PPP2R3A: variants seen among roughly 807,000 people sequenced by gnomAD.
The protein encoded by PPP2R3A is protein phosphatase 2 regulatory subunit B''alpha, also known as serine/threonine-protein phosphatase 2A regulatory subunit B'' subunit alpha.
Under a neutral mutation model 106.9 loss-of-function variants are expected in PPP2R3A, and 80 were observed. That is an observed-to-expected ratio of 0.75 (90% CI 0.62 to 0.90). PPP2R3A has a LOEUF of 0.90. Among genes scored for constraint, PPP2R3A ranks in the 40% least tolerant of loss-of-function variants. PPP2R3A has a pLI of 0.00. For synonymous variants in PPP2R3A, 483 were observed against 468.3 expected (o/e 1.03, Z -0.41); for missense variants, 1,386 against 1,350.4 (o/e 1.03, Z -0.41).
At chr3:136,136,057 AAAAAAAAAAAAAAAAATTAT>A (rs1305940172) in intron 13 of PPP2R3A, among the ~76,000 whole-genome samples, 1 of 47,498 alleles carries the variant, frequency 2.1e-5, no homozygotes, top group Non-Finnish European at 5.9e-5. Context: ...AAAAAAAAAA[AAAAAAAAAAAAAAAAATTAT>A]ATATATATAT....
intron 2 of PPP2R3A, among the ~76,000 whole-genome samples, chr3:136,017,603 A>G (rs1442586624): frequency 1.3e-5 from 2 of 152,184 alleles, no homozygotes; most frequent in Non-Finnish European, 2.9e-5. Context: ...GGCTTTTGTT[A>G]ATCAGAAGCA....
At chr3:136,106,144 G>A in intron 12 of PPP2R3A, 72 bp from the exon 13 acceptor site, 6 of 1,258,182 alleles carry the variant, frequency 4.8e-6, no homozygotes, top group Non-Finnish European at 6.8e-6. Context: ...GTATACATTT[G>A]TGTGATGATC....
chr3:135,988,611 A>G (rs149308284), intron 1 of PPP2R3A, among the ~76,000 whole-genome samples: 16 of 152,038 alleles, frequency 1.1e-4, no homozygotes, highest in African/African-American at 3.9e-4. Context: ...TGGCATTCTC[A>G]CTCTTGCTAA....
At chr3:136,087,047 C>A (rs1352059143) in intron 8 of PPP2R3A, among the ~76,000 whole-genome samples, 1 of 151,930 alleles carries the variant, frequency 6.6e-6, no homozygotes, top group African/African-American at 2.4e-5. Context: ...AATAAAAATA[C>A]AAAAAAATTA....
chr3:136,027,343 T>G (rs1418572054), intron 3 of PPP2R3A, among the ~76,000 whole-genome samples: 1 of 152,172 alleles, frequency 6.6e-6, no homozygotes, highest in African/African-American at 2.4e-5. Context: ...TTTCAGAGAC[T>G]AGAAGCTCTA....
chr3:135,969,369 A>G (rs1365742631), intron 1 of PPP2R3A, among the ~76,000 whole-genome samples: 1 of 152,206 alleles, frequency 6.6e-6, no homozygotes, highest in Non-Finnish European at 1.5e-5. Flanking sequence ...TTGGTGGTTG[A>G]TATGGTACAA....
intron 1 of PPP2R3A, among the ~76,000 whole-genome samples, chr3:135,967,101 A>G (rs1488862931): frequency 6.6e-6 from 1 of 151,998 alleles, no homozygotes; most frequent in Non-Finnish European, 1.5e-5. Context: ...TTACACACAC[A>G]ATTTATTTAC....
At chr3:135,965,915 T>C (rs1576396673) in intron 1 of PPP2R3A, 66 bp downstream of exon 1, 1 of 119,912 alleles carries the variant, frequency 8.3e-6, no homozygotes, top group Non-Finnish European at 1.8e-5. Context: ...CCCGAGGGGG[T>C]GGCGAGGCTC....
chr3:136,066,692 G>T (rs1230678861), intron 5 of PPP2R3A, among the ~76,000 whole-genome samples: 2 of 151,564 alleles, frequency 1.3e-5, no homozygotes, highest in African/African-American at 2.4e-5. Flanking sequence ...GGGAGTTGCT[G>T]CACACTTTTA....
At chr3:136,081,074 A>G (rs1936766628) in intron 7 of PPP2R3A, among the ~76,000 whole-genome samples, 1 of 151,392 alleles carries the variant, frequency 6.6e-6, no homozygotes, top group African/African-American at 2.4e-5. Context: ...GCTCACTGCA[A>G]CCTCTGCCTC....
At chr3:136,082,186 C>A in intron 7 of PPP2R3A, 79 bp from the exon 8 acceptor site, 1 of 1,261,142 alleles carries the variant, frequency 7.9e-7, no homozygotes, top group Non-Finnish European at 1.1e-6. Flanking sequence ...CAGTTTAAAA[C>A]AGAAATTCGC....
intron 3 of PPP2R3A, among the ~76,000 whole-genome samples, chr3:136,034,739 A>G (rs1935029563): frequency 6.6e-6 from 1 of 152,156 alleles, no homozygotes; most frequent in Non-Finnish European, 1.5e-5. Flanking sequence ...TATTAAGTCC[A>G]TTTGTTCCAG....
intron 13 of PPP2R3A, among the ~76,000 whole-genome samples, chr3:136,118,149 T>C (rs1576324253): frequency 6.6e-6 from 1 of 152,146 alleles, no homozygotes; most frequent in African/African-American, 2.4e-5. Context: ...TCAATAGATG[T>C]AGAAAAGGCC....
At chr3:136,066,446 T>A (rs923477958) in intron 5 of PPP2R3A, among the ~76,000 whole-genome samples, 38 of 152,336 alleles carry the variant, frequency 2.5e-4, no homozygotes, top group African/African-American at 8.9e-4. Flanking sequence ...CAAGATTGTT[T>A]TAATATTAGG....
At chr3:135,987,439 A>G (rs954406294) in intron 1 of PPP2R3A, among the ~76,000 whole-genome samples, 1 of 152,098 alleles carries the variant, frequency 6.6e-6, no homozygotes, top group Non-Finnish European at 1.5e-5. Flanking sequence ...ATAATGGGCC[A>G]TAAGCATGCT....
rs547774408 is a variant in PPP2R3A at position 136,038,945 on chromosome 3, C to A, written c.2263-1914C>A. On this transcript the variant is annotated intron_variant, in intron 3 of 13. Coordinates refer to ENST00000264977, the MANE Select transcript of PPP2R3A (RefSeq NM_002718.5). ...TATTCGACCTCTGGACTTAAAAAATCTTAAATTCTGCTCTGCTTGCAGACA... is the reference window on the plus strand; with the variant it reads ...TATTCGACCTCTGGACTTAAAAAATATTAAATTCTGCTCTGCTTGCAGACA... Among the ~76,000 whole-genome samples the A allele has an allele frequency of 2.6e-5, 4 of 152,324 alleles. No homozygotes were observed. In the South Asian group the frequency reaches 8.3e-4, roughly 32 times the overall value.
At chr3:136,128,254 G>A (rs1413223066) in intron 13 of PPP2R3A, among the ~76,000 whole-genome samples, 12 of 151,320 alleles carry the variant, frequency 7.9e-5, no homozygotes, top group Admixed American at 7.9e-4. Context: ...CTGGTGTGCT[G>A]TATTCAGGAG....
At chr3:136,100,984 A>G (rs1937345498) in intron 10 of PPP2R3A, among the ~76,000 whole-genome samples, 1 of 152,198 alleles carries the variant, frequency 6.6e-6, no homozygotes, top group Admixed American at 6.5e-5. Context: ...TCAAGAAGCT[A>G]CTAGAGAATG....
chr3:136,107,361 G>A (rs925442899), intron 13 of PPP2R3A, among the ~76,000 whole-genome samples: 4 of 148,220 alleles, frequency 2.7e-5, no homozygotes, highest in African/African-American at 7.5e-5. Context: ...GTGTCATCAT[G>A]TTCTTGCTTA....
Sources: allele counts gnomAD v4.1 joint callset (sites outside exome capture counted in the v4.1 genomes callset), GRCh38; gene constraint gnomAD v4.1.1; transcripts MANE v1.5; gene names NCBI Gene and HGNC (gene_info 2026-07-23, HGNC 2026-07-21).